Variants in MEGF11 observed in about 807,000 individuals in gnomAD.
MEGF11 encodes multiple epidermal growth factor-like domains protein 11.
In MEGF11, 126 loss-of-function variants were observed where a neutral mutation model predicts 146.6. The ratio of observed to expected loss-of-function variants is 0.86; its 90% CI spans 0.74 to 1.00. The LOEUF is 1.00. MEGF11 is among the 50% of genes least tolerant of loss of function. The probability of loss-of-function intolerance (pLI) is 0.00; values close to 1 mark genes in which losing one functional copy is unlikely to be tolerated. For synonymous variants in MEGF11, 532 were observed against 583.4 expected (o/e 0.91, Z 1.27); for missense variants, 1,509 against 1,521.2 (o/e 0.99, Z 0.13).
chr15:66,124,353 C>T (rs899936675), intron 2 of MEGF11, among the ~76,000 whole-genome samples: 2 of 152,190 alleles, frequency 1.3e-5, no homozygotes, highest in African/African-American at 4.8e-5. Context: ...TGTGATTGTT[C>T]ATATCTTTAT....
At chr15:66,195,413 C>T (rs2090984049) in intron 1 of MEGF11, among the ~76,000 whole-genome samples, 1 of 152,142 alleles carries the variant, frequency 6.6e-6, no homozygotes, top group African/African-American at 2.4e-5. Context: ...TGAAGGTCTC[C>T]CTAAGGAAGT....
intron 1 of MEGF11, among the ~76,000 whole-genome samples, chr15:66,235,879 A>G (rs2092079708): frequency 6.6e-6 from 1 of 152,228 alleles, no homozygotes; most frequent in South Asian, 2.1e-4. Context: ...GTTCAGTGTG[A>G]CAACAAATCT....
intron 10 of MEGF11, among the ~76,000 whole-genome samples, chr15:65,945,049 C>T (rs531009801): frequency 3.5e-4 from 53 of 152,216 alleles, no homozygotes; most frequent in African/African-American, 1.2e-3. Context: ...CAGGCGCACA[C>T]CATGCCTGGC....
At chr15:66,171,399 G>A (rs1052806120) in intron 1 of MEGF11, among the ~76,000 whole-genome samples, 8 of 151,928 alleles carry the variant, frequency 5.3e-5, no homozygotes, top group African/African-American at 1.7e-4. Context: ...GTGAATGCTG[G>A]AGCAGACGGA....
At chr15:66,113,447 G>A (rs1228543120) in intron 4 of MEGF11, among the ~76,000 whole-genome samples, 1 of 152,138 alleles carries the variant, frequency 6.6e-6, no homozygotes, top group African/African-American at 2.4e-5. Context: ...AAACTATGTC[G>A]ACCAAAAGGA....
In MEGF11 at chr15:65,915,258, A is replaced by G. The variant is rs190929001; in HGVS notation, c.2473+212T>C. On this transcript the variant is annotated intron_variant, in intron 19 of 25. Coordinates refer to ENST00000395614, the MANE Select transcript of MEGF11 (RefSeq NM_001385028.1). ...TGCTTGGCTCATGGGAAACTTGCCA[A>G]GGGTGAGCCTAGGGAGGCTGTGACT... Among the ~76,000 whole-genome samples the G allele has an allele frequency of 2.6e-3, 401 of 152,300 alleles. 3 individuals carry two copies. The highest frequency in any genetic ancestry group is 4.4e-3 in the Non-Finnish European group (301 of 67,984).
At chr15:66,164,252 A>G (rs1381194307) in intron 1 of MEGF11, among the ~76,000 whole-genome samples, 11 of 152,284 alleles carry the variant, frequency 7.2e-5, no homozygotes, top group Non-Finnish European at 4.4e-5. Flanking sequence ...TGGACAGAGA[A>G]GGGCCAGGCT....
intron 10 of MEGF11, among the ~76,000 whole-genome samples, chr15:65,933,036 A>G (rs1485239035): frequency 1.3e-5 from 2 of 152,234 alleles, no homozygotes; most frequent in Non-Finnish European, 1.5e-5. Flanking sequence ...CTTCACTCCT[A>G]TGTGGGCCAC....
At chr15:65,970,477 A>ATGAGCTGT in intron 8 of MEGF11, 76 bp downstream of exon 8, 1 of 1,493,546 alleles carries the variant, frequency 6.7e-7, no homozygotes, top group Non-Finnish European at 9.1e-7. Flanking sequence ...AGAGAGGGCT[A>ATGAGCTGT]TGAGCTGTTC....
chr15:66,085,164 G>A (rs550574279), intron 5 of MEGF11, among the ~76,000 whole-genome samples: 9 of 151,976 alleles, frequency 5.9e-5, no homozygotes, highest in African/African-American at 1.7e-4. Flanking sequence ...CACAGTAGCC[G>A]CAGCGAGATC....
At chr15:66,214,885 A>G (rs1250953870) in intron 1 of MEGF11, among the ~76,000 whole-genome samples, 1 of 152,086 alleles carries the variant, frequency 6.6e-6, no homozygotes, top group Non-Finnish European at 1.5e-5. Context: ...AGATGGGGGT[A>G]AGAGGAGAGG....
intron 13 of MEGF11, among the ~76,000 whole-genome samples, chr15:65,925,449 T>C (rs1458645463): frequency 6.6e-6 from 1 of 152,190 alleles, no homozygotes; most frequent in Non-Finnish European, 1.5e-5. Flanking sequence ...GCTTAAGACA[T>C]GGGATCTAAG....
At chr15:65,958,211 A>C (rs933399423) in intron 9 of MEGF11, among the ~76,000 whole-genome samples, 13 of 152,232 alleles carry the variant, frequency 8.5e-5, no homozygotes, top group African/African-American at 2.7e-4. Flanking sequence ...GAGTGAAAAC[A>C]AGACTTTGGG....
chr15:66,242,367 C>A (rs576095315), intron 1 of MEGF11, among the ~76,000 whole-genome samples: 1 of 149,712 alleles, frequency 6.7e-6, no homozygotes, highest in Non-Finnish European at 1.5e-5. Context: ...CATAATTGTG[C>A]CACTGCACTC....
intron 5 of MEGF11, among the ~76,000 whole-genome samples, chr15:66,018,869 G>A (rs2082992166): frequency 6.6e-6 from 1 of 152,232 alleles, no homozygotes; most frequent in Non-Finnish European, 1.5e-5. Context: ...AGAATGAGAT[G>A]TGTAGAGCAG....
At chr15:65,937,038 C>T (rs1291172077) in intron 10 of MEGF11, among the ~76,000 whole-genome samples, 1 of 152,172 alleles carries the variant, frequency 6.6e-6, no homozygotes, top group African/African-American at 2.4e-5. Context: ...TCTAGAGTAT[C>T]CACTCTGGGA....
intron 7 of MEGF11, among the ~76,000 whole-genome samples, chr15:65,977,166 C>CAAAAAAA (rs372969314): frequency 2.2e-5 from 2 of 91,306 alleles, no homozygotes; most frequent in Admixed American, 1.3e-4. Context: ...GACTCCGTCT[C>CAAAAAAA]AAAAAAAAAA....
intron 1 of MEGF11, among the ~76,000 whole-genome samples, chr15:66,237,601 A>C (rs1363966404): frequency 6.6e-6 from 1 of 152,142 alleles, no homozygotes; most frequent in Non-Finnish European, 1.5e-5. Flanking sequence ...CTGTTTCTCC[A>C]TCTATAGAGT....
At chr15:65,898,378 A>G (rs2078403064) in intron 25 of MEGF11, 1 of 985,316 alleles carries the variant, frequency 1.0e-6, no homozygotes, top group Non-Finnish European at 1.2e-6. Flanking sequence ...GTAGAAGGTG[A>G]TTTAGAGACT....
Sources: allele counts gnomAD v4.1 joint callset (sites outside exome capture counted in the v4.1 genomes callset), GRCh38; gene constraint gnomAD v4.1.1; transcripts MANE v1.5; gene names NCBI Gene and HGNC (gene_info 2026-07-23, HGNC 2026-07-21).